Variants in C13orf46 observed in about 807,000 individuals in gnomAD.
C13orf46 encodes chromosome 13 open reading frame 46.
At position 113,964,977 on chromosome 13, in the gene C13orf46, C is replaced by G. The variant is rs2052622236; in HGVS notation, c.522G>C (p.Lys174Asn). The change falls in exon 6 of 7, where the codon AAG (lysine) becomes AAC (asparagine). Residue 174 changes from lysine to asparagine, a missense_variant. Coordinates refer to ENST00000636427, the MANE Select transcript of C13orf46 (RefSeq NM_001365455.2). ...DHAEEVVTDA[K>N]KEEKPSQMDV... ...CCATCTGGGACGGCTTCTCTTCCTT[C>G]TTGGCATCGGTGACCACCTGTGGGG... The G allele has an allele frequency of 6.6e-6, 1 of 152,342 alleles. No individual in the cohort carries two copies. The highest frequency in any genetic ancestry group is 1.5e-5 in the Non-Finnish European group (1 of 68,132). The allele number at this position is 152,342 out of a possible 1,614,324, so 9.4% of individuals were successfully genotyped here. A position where few individuals can be genotyped will look rare whatever the true frequency, so the allele number is the denominator to read the frequency against.
chr13:113,944,074 C>T, the C13orf46 span, among the ~76,000 whole-genome samples: 1 of 152,178 alleles, frequency 6.6e-6, no homozygotes, highest in African/African-American at 2.4e-5. Context: ...CCTCACAGAC[C>T]CCAGTCACCC....
In C13orf46 at chr13:113,963,804, C is replaced by T. The variant is rs923604578; in HGVS notation, c.572+1123G>A. Among the ~76,000 whole-genome samples the T allele has an allele frequency of 8.5e-5, 13 of 152,266 alleles. No homozygotes were observed. The East Asian group carries it at 2.5e-3, about 29-fold the overall frequency. On this transcript the variant is annotated intron_variant, in intron 6 of 6. Coordinates refer to ENST00000636427, the MANE Select transcript of C13orf46 (RefSeq NM_001365455.2). ...AACATTTCTCTCTGTTGTGCTATTC[C>T]ACATAATTCCCGTTATTGTAAATGA...
chr13:113,930,030 G>A, the C13orf46 span, among the ~76,000 whole-genome samples: 3 of 152,196 alleles, frequency 2.0e-5, no homozygotes, highest in Non-Finnish European at 4.4e-5. Context: ...GGCTCTGGAC[G>A]GATGTCTCTG....
chr13:113,927,696 C>T, the C13orf46 span: 1 of 398,446 alleles, frequency 2.5e-6, no homozygotes. Context: ...GAAGCTTTGG[C>T]TGCATCTGAA....
chr13:113,948,801 T>C (rs893909491), downstream of C13orf46, among the ~76,000 whole-genome samples: 2 of 152,186 alleles, frequency 1.3e-5, no homozygotes, highest in Admixed American at 6.5e-5. Flanking sequence ...ATTAAGAGAT[T>C]TGTATTGTGG....
chr13:113,945,595 A>G, the C13orf46 span, among the ~76,000 whole-genome samples: 20,050 of 109,972 alleles, frequency 0.18, 2,639 homozygotes, highest in Middle Eastern at 0.27. Context: ...GAGAGAGAGA[A>G]AGAAAGAAAG....
chr13:113,946,215 G>A, the C13orf46 span, among the ~76,000 whole-genome samples: 2 of 152,212 alleles, frequency 1.3e-5, no homozygotes, highest in South Asian at 4.1e-4. Flanking sequence ...ACCTAGCACT[G>A]TACTCCCCAC....
the C13orf46 span, among the ~76,000 whole-genome samples, chr13:113,943,855 A>C: frequency 2.6e-5 from 4 of 152,112 alleles, no homozygotes; most frequent in Non-Finnish European, 4.4e-5. Context: ...CTGGTGGAGG[A>C]GGCTCTCAGC....
the C13orf46 span, among the ~76,000 whole-genome samples, chr13:113,939,250 G>C: frequency 3.3e-5 from 5 of 152,086 alleles, no homozygotes; most frequent in African/African-American, 1.2e-4. Context: ...CCTTCCCCCC[G>C]CCCCGGTGAT....
rs918980250 is a variant in C13orf46, at chr13:113,973,803, C to T, written c.190+5G>A. Reference sequence around the variant, plus strand: ...ACCCGCTCCCCGCGGCCCCACAGCCCCTACCCAGCTCCTTGTGAGGCTTCC... The same window carrying T: ...ACCCGCTCCCCGCGGCCCCACAGCCTCTACCCAGCTCCTTGTGAGGCTTCC... On this transcript the variant is annotated splice_donor_5th_base_variant and intron_variant, in intron 1 of 6. Transcript: ENST00000636427. 4.6e-5 allele frequency: 7 copies of T among 152,368 alleles called. No homozygotes were observed. The highest frequency in any genetic ancestry group is 1.7e-4 in the African/African-American group (7 of 41,476). The allele number at this position is 152,368 out of a possible 1,614,324, so 9.4% of individuals were successfully genotyped here.
chr13:113,967,622 G>A (rs1410562762), intron 4 of C13orf46, among the ~76,000 whole-genome samples: 2 of 152,268 alleles, frequency 1.3e-5, no homozygotes, highest in Admixed American at 6.5e-5. Context: ...GATGTAGGAG[G>A]GATATGGCTT....
At position 113,955,607 on chromosome 13, in the gene C13orf46, G is replaced by A. The variant is rs1594241477; in HGVS notation, c.*1166C>T. On this transcript the variant is annotated 3_prime_UTR_variant, in exon 7 of 7. Transcript: ENST00000636427. The stretch of plus-strand genomic sequence containing the variant: ...CATCTCGTGGAGCGGAGGAGCATCT[G>A]GCAGAGACGAGGAGTAGTGTCTGGC... The A allele has an allele frequency of 1.4e-5, 2 of 146,906 alleles. 1 individual carries two copies. Among genetic ancestry groups the A allele is most frequent in the Admixed American group, 1.5e-4 (2 of 13,412 alleles). The allele number at this position is 146,906 out of a possible 1,614,324, so 9.1% of individuals were successfully genotyped here. A position where few individuals can be genotyped will look rare whatever the true frequency, so the allele number is the denominator to read the frequency against.
chr13:113,946,391 C>G, the C13orf46 span, among the ~76,000 whole-genome samples: 1 of 152,190 alleles, frequency 6.6e-6, no homozygotes, highest in Non-Finnish European at 1.5e-5. Context: ...GTGGGGCATC[C>G]TGGGAACTGA....
At chr13:113,952,945 C>T (rs2052495187), downstream of C13orf46, among the ~76,000 whole-genome samples, 2 of 152,342 alleles carry the variant, frequency 1.3e-5, no homozygotes, top group Non-Finnish European at 2.9e-5. Context: ...GAGCTGCTCT[C>T]GGGCTCTGCG....
At chr13:113,950,074 A>G (rs1310669472), downstream of C13orf46, among the ~76,000 whole-genome samples, 3 of 94,906 alleles carry the variant, frequency 3.2e-5, no homozygotes, top group African/African-American at 4.4e-5. Flanking sequence ...AGGGACCTCA[A>G]TGCACCCATC....
At chr13:113,959,963 G>A (rs1198396108) in intron 6 of C13orf46, among the ~76,000 whole-genome samples, 1 of 152,188 alleles carries the variant, frequency 6.6e-6, no homozygotes, top group Non-Finnish European at 1.5e-5. Flanking sequence ...TCTAAAGATT[G>A]AGCTTTGGGC....
the C13orf46 span, chr13:113,927,456 C>A: frequency 2.5e-6 from 1 of 398,332 alleles, no homozygotes; most frequent in Non-Finnish European, 4.4e-6. Context: ...TCTGGCACTT[C>A]AACTGCAAAG....
chr13:113,960,632 T>C (rs1243484181), intron 6 of C13orf46, among the ~76,000 whole-genome samples: 1 of 152,238 alleles, frequency 6.6e-6, no homozygotes, highest in Non-Finnish European at 1.5e-5. Context: ...TTTATACACT[T>C]GGCTTTTCTT....
At chr13:113,966,453 G>A in intron 5 of C13orf46, among the ~76,000 whole-genome samples, 1 of 151,760 alleles carries the variant, frequency 6.6e-6, no homozygotes, top group South Asian at 2.1e-4. Flanking sequence ...TAATGGTGAT[G>A]ATGACGGTGG....
Sources: gnomAD v4.1 joint callset for allele counts (sites outside exome capture counted in the v4.1 genomes callset) on GRCh38, gnomAD v4.1.1 for gene constraint, MANE v1.5 for transcripts, NCBI Gene and HGNC (gene_info 2026-07-23, HGNC 2026-07-21) for gene names.